The following LIMS2 variants were observed in gnomAD, a reference collection of about 807,000 sequenced individuals.
LIMS2 encodes the protein LIM zinc finger domain containing 2.
LIMS2 carries 30 observed loss-of-function variants against 45.3 expected under a neutral mutation model. The ratio of observed to expected loss-of-function variants is 0.66; its 90% CI spans 0.50 to 0.90. The LOEUF is 0.90. Ranked by LOEUF, LIMS2 falls within the 40% of genes least tolerant of loss-of-function variation. LIMS2 has a pLI of 0.00. For missense variants in LIMS2, 485 were observed against 468.7 expected (o/e 1.03, Z -0.32); for synonymous variants, 173 against 188.0 (o/e 0.92, Z 0.65).
chr2:127,652,055 T>G, intron 4 of LIMS2: 1 of 394,670 alleles, frequency 2.5e-6, no homozygotes. Flanking sequence ...ATGGAGGCCT[T>G]TCTTTCCCGC....
Position 127,667,010 on chromosome 2 carries a change from G to C in LIMS2, c.11+8004C>G, listed in dbSNP as rs142180677. Among the ~76,000 whole-genome samples, 43 of 152,344 alleles carry C rather than the reference G, an allele frequency of 2.8e-4. No individual in the cohort carries two copies. The highest frequency in any genetic ancestry group is 9.6e-4 in the African/African-American group (40 of 41,592). ...CTACCCAAATCACTTAGTAAGGCCA[G>C]TAACATGTAAAGAGACTGAGACAGT... On this transcript the variant is annotated intron_variant, in intron 1 of 9. Transcript: ENST00000355119. The surrounding 1 kb of genome is among the most constrained non-coding windows in gnomAD (Gnocchi z 4.1).
At chr2:127,649,190 A>AGGAAGGAAGGAAGGAAGGAG (rs1558878484) in intron 4 of LIMS2, among the ~76,000 whole-genome samples, 42 of 151,432 alleles carry the variant, frequency 2.8e-4, no homozygotes, top group African/African-American at 9.7e-4. Flanking sequence ...GAAGGAAGGA[A>AGGAAGGAAGGAAGGAAGGAG]GGAAGGAAGG....
At chr2:127,657,232 T>G (rs1304477462) in intron 2 of LIMS2, among the ~76,000 whole-genome samples, 171 bp downstream of exon 2, 5 of 152,220 alleles carry the variant, frequency 3.3e-5, no homozygotes, top group Non-Finnish European at 7.4e-5. Context: ...GGGGTGCTGT[T>G]CACATCTCAC....
At chr2:127,666,122 A>G in intron 1 of LIMS2, among the ~76,000 whole-genome samples, 1 of 152,166 alleles carries the variant, frequency 6.6e-6, no homozygotes, top group East Asian at 1.9e-4. Context: ...CTGAATCTAG[A>G]ACTCTATACA....
At chr2:127,673,141 C>T (rs1371069092) in intron 1 of LIMS2, among the ~76,000 whole-genome samples, 4 of 152,196 alleles carry the variant, frequency 2.6e-5, no homozygotes, top group African/African-American at 9.7e-5. Context: ...CTGCGGGCAG[C>T]AGGGTCACCT....
chr2:127,674,546 C>G (rs941550934), intron 1 of LIMS2: 1 of 854,102 alleles, frequency 1.2e-6, no homozygotes, highest in Non-Finnish European at 1.4e-6. Flanking sequence ...CCAACATACC[C>G]TTCAACATTT....
At chr2:127,643,666 T>TG in intron 4 of LIMS2, 1 of 450,484 alleles carries the variant, frequency 2.2e-6, no homozygotes, top group South Asian at 1.6e-5. Flanking sequence ...CTCGCTGTGT[T>TG]GGACGACAGC....
rs1466147248 is a variant in LIMS2, at chr2:127,647,837, C to T, written c.360-4765G>A. 2.0e-5 allele frequency among the ~76,000 whole-genome samples: 3 copies of T among 152,074 alleles called. No individual in the cohort carries two copies. The highest frequency in any genetic ancestry group is 7.2e-5 in the African/African-American group (3 of 41,402). On this transcript the variant is annotated intron_variant, in intron 4 of 9. Transcript: ENST00000355119. The surrounding 1 kb of genome is among the most constrained non-coding windows in gnomAD (Gnocchi z 4.3). Reference sequence around the variant, plus strand: ...GTCCTCACCCCCAGCACATGCAACACGACACCCTCAAAGTCATGGGCCCCC... The same window carrying T: ...GTCCTCACCCCCAGCACATGCAACATGACACCCTCAAAGTCATGGGCCCCC...
rs1433865904 is a variant in LIMS2 at position 127,653,099 on chromosome 2, G to C, written c.359+1325C>G. 6.6e-6 allele frequency among the ~76,000 whole-genome samples: 1 copy of C among 152,192 alleles called. No individual in the cohort carries two copies. Among genetic ancestry groups the C allele is most frequent in the Admixed American group, 6.5e-5 (1 of 15,276 alleles). On this transcript the variant is annotated intron_variant, in intron 4 of 9. Transcript: ENST00000355119. This position sits in a 1 kb window ranked among gnomAD's most constrained non-coding sequence, Gnocchi z 5.3. ...CCTCAGCCCTTCATTTAGACAAGCT[G>C]CTCAATGCCAGGCACCGCCCAGCTC...
chr2:127,658,973 T>C (rs559648867), intron 1 of LIMS2, among the ~76,000 whole-genome samples: 3 of 152,278 alleles, frequency 2.0e-5, no homozygotes, highest in African/African-American at 7.2e-5. Context: ...TGTCGGGCTG[T>C]TCTGCGGCCT....
At chr2:127,674,047 A>G in intron 1 of LIMS2, 1 of 385,266 alleles carries the variant, frequency 2.6e-6, no homozygotes, top group Non-Finnish European at 5.0e-6. Context: ...GGCTGCCCTG[A>G]GACCCCAGGC....
chr2:127,639,935 A>T (rs530795563), intron 9 of LIMS2, 135 bp downstream of exon 9: 5 of 899,504 alleles, frequency 5.6e-6, no homozygotes, highest in Non-Finnish European at 8.8e-6. Context: ...CCTGGGTGGT[A>T]TAAGGCCGGG....
At chr2:127,655,173 T>C (rs1684172851) in intron 2 of LIMS2, 1 of 553,594 alleles carries the variant, frequency 1.8e-6, no homozygotes, top group African/African-American at 1.9e-5. Flanking sequence ...ATCTGGACCC[T>C]GTTGGTCCGG....
chr2:127,654,464 C>T lies in LIMS2; in HGVS notation c.319G>A (p.Val107Met), dbSNP rs754915607. 6 of 1,614,060 alleles carry T rather than the reference C, an allele frequency of 3.7e-6. No homozygotes were observed. Among genetic ancestry groups the T allele is most frequent in the Admixed American group, 1.7e-5 (1 of 60,004 alleles). The change falls in exon 4 of 10, where the codon GTG becomes ATG. Residue 107 changes from valine (V) to methionine (M), a missense_variant. Val to Met is a conservative substitution (Grantham distance 21, BLOSUM62 1). Coordinates refer to ENST00000355119, the MANE Select transcript of LIMS2 (RefSeq NM_001161403.3). ...PGCFRCELCD[V>M]ELADLGFVKN... ...ACAAAGCCCAGGTCAGCCAGCTCCACATCACACAGCTCGCAGCGGAAGCAG... is the reference window on the plus strand; with the variant it reads ...ACAAAGCCCAGGTCAGCCAGCTCCATATCACACAGCTCGCAGCGGAAGCAG...
chr2:127,662,302 C>A (rs112904517), intron 1 of LIMS2, among the ~76,000 whole-genome samples: 2 of 152,096 alleles, frequency 1.3e-5, no homozygotes, highest in Non-Finnish European at 2.9e-5. Context: ...CTCCTTCCAA[C>A]GAAGTCCTCA....
rs1685443124 is a variant in LIMS2, at chr2:127,674,994, G to C, written c.11+20C>G. The C allele has an allele frequency of 8.1e-7, 1 of 1,229,334 alleles. No individual in the cohort carries two copies. The highest frequency in any genetic ancestry group is 3.2e-5 in the East Asian group (1 of 31,448). The allele number at this position is 1,229,334 out of a possible 1,614,324, so 76.2% of individuals were successfully genotyped here. The stretch of plus-strand genomic sequence containing the variant: ...GCAGTCCCGCCTCCCCGGCCCGGGG[G>C]CGTGGGTGGGGGCCGTTACCTTCCC... On this transcript the variant is annotated intron_variant, in intron 1 of 9. Transcript: ENST00000355119.
rs554089578 is a variant in LIMS2, at chr2:127,647,635, C to T, written c.360-4563G>A. ...TCCCACCCCCAGGTTCTAACAAGGG[C>T]CCCTCACTCACTGGGCCCCCTCTCC... On this transcript the variant is annotated intron_variant, in intron 4 of 9. Transcript: ENST00000355119. The surrounding 1 kb of genome is among the most constrained non-coding windows in gnomAD (Gnocchi z 4.3). Among the ~76,000 whole-genome samples, 1 of 152,132 alleles carries T rather than the reference C, an allele frequency of 6.6e-6. No homozygotes were observed. The highest frequency in any genetic ancestry group is 1.9e-4 in the East Asian group (1 of 5,150).
Position 127,648,290 on chromosome 2 carries a change from G to A in LIMS2, c.360-5218C>T, listed in dbSNP as rs1419440008. ...AAGCCGGGGGCAATCTTTTCAGGTA[G>A]GGGAACCTGCCTAGAGAAATAGCTA... On this transcript the variant is annotated intron_variant, in intron 4 of 9. Transcript: ENST00000355119. 3 of 677,328 alleles carry A rather than the reference G, an allele frequency of 4.4e-6. No individual in the cohort carries two copies. In the African/African-American group the frequency reaches 5.9e-5, roughly 13 times the overall value. The allele number at this position is 677,328 out of a possible 1,614,324, so 42.0% of individuals were successfully genotyped here.
intron 1 of LIMS2, among the ~76,000 whole-genome samples, chr2:127,660,936 G>A (rs1439076728): frequency 1.7e-4 from 24 of 143,950 alleles, no homozygotes; most frequent in African/African-American, 5.8e-4. Context: ...GGTGGGGGGG[G>A]CGGATGTGGG....
Sources: allele counts gnomAD v4.1 joint callset (sites outside exome capture counted in the v4.1 genomes callset), GRCh38; gene constraint gnomAD v4.1.1; non-coding constraint Gnocchi (gnomAD v3.1); transcripts MANE v1.5; gene names NCBI Gene and HGNC (gene_info 2026-07-23, HGNC 2026-07-21).